STXBP5: variants seen among roughly 807,000 people sequenced by gnomAD.
The protein encoded by STXBP5 is syntaxin-binding protein 5.
STXBP5 carries 50 observed loss-of-function variants against 152.4 expected under a neutral mutation model. The observed-to-expected ratio is 0.33, with a 90% confidence interval of 0.26 to 0.42. The LOEUF (loss-of-function observed/expected upper bound fraction) is 0.42, where lower values mean the gene tolerates loss of function less well. Among genes scored for constraint, STXBP5 ranks in the 10% least tolerant of loss-of-function variants. STXBP5 has a pLI of 1.00. For missense variants in STXBP5, 1,167 were observed against 1,388.6 expected (o/e 0.84, Z 2.54); for synonymous variants, 492 against 494.7 (o/e 0.99, Z 0.07).
intron 1 of STXBP5, among the ~76,000 whole-genome samples, chr6:147,205,388 A>ATATG (rs924431560): frequency 3.3e-5 from 5 of 150,540 alleles, no homozygotes; most frequent in African/African-American, 1.2e-4. Context: ...ATATATATAT[A>ATATG]TATATATATA....
At chr6:147,262,486 G>T in intron 6 of STXBP5, 133 bp downstream of exon 6, 1 of 459,226 alleles carries the variant, frequency 2.2e-6, no homozygotes, top group Non-Finnish European at 3.9e-6. Context: ...TACAGTTAAT[G>T]CTTATTATTA....
chr6:147,278,256 G>A (rs1372106641), intron 8 of STXBP5, 52 bp downstream of exon 8: 4 of 1,457,532 alleles, frequency 2.7e-6, no homozygotes. Context: ...ACAGTAAACT[G>A]TTTTGTTTGA....
chr6:147,229,480 C>T (rs779303308), intron 2 of STXBP5, among the ~76,000 whole-genome samples: 2 of 151,714 alleles, frequency 1.3e-5, no homozygotes, highest in African/African-American at 4.8e-5. Context: ...TGATTACTGC[C>T]ATCTTAATAA....
In STXBP5 at chr6:147,213,481, C is replaced by T. The variant is rs1256866686; in HGVS notation, c.248+7413C>T. On this transcript the variant is annotated intron_variant, in intron 2 of 27. Transcript: ENST00000321680. ...GTGTGTGTGTGTGTGTGTGTGTGCG[C>T]GCGCATATATATATTTTTTCTTTTT... Among the ~76,000 whole-genome samples the T allele has an allele frequency of 1.4e-4, 16 of 116,688 alleles. 1 individual carries two copies. Among genetic ancestry groups the T allele is most frequent in the Admixed American group, 4.0e-4 (5 of 12,354 alleles). The allele number at this position is 116,688 out of a possible 152,430, so 76.6% of individuals were successfully genotyped here. A position where few individuals can be genotyped will look rare whatever the true frequency, so the allele number is the denominator to read the frequency against.
At position 147,248,018 on chromosome 6, in the gene STXBP5, G is replaced by A. The variant is rs1778896551; in HGVS notation, c.431+8748G>A. 2.0e-5 allele frequency among the ~76,000 whole-genome samples: 3 copies of A among 152,256 alleles called. No individual in the cohort carries two copies. In the South Asian group the frequency reaches 6.2e-4, roughly 32 times the overall value. On this transcript the variant is annotated intron_variant, in intron 4 of 27. Coordinates refer to ENST00000321680, the MANE Select transcript of STXBP5 (RefSeq NM_001127715.4). ...AGCTGGGTGCGGTGGGGTGGCTTAA[G>A]CCTGTAATCCCAGCAATTTGGGAGG...
intron 9 of STXBP5, among the ~76,000 whole-genome samples, chr6:147,307,977 A>AATCT (rs1445967674): frequency 3.3e-5 from 5 of 152,134 alleles, no homozygotes; most frequent in African/African-American, 7.2e-5. Context: ...GTACAGCTAT[A>AATCT]ATCTCTCTTC....
chr6:147,258,165 T>G (rs986814501), intron 4 of STXBP5, among the ~76,000 whole-genome samples: 29 of 152,212 alleles, frequency 1.9e-4, no homozygotes, highest in Admixed American at 1.6e-3. Context: ...AGCCACACGA[T>G]CAATCCTAGA....
At chr6:147,275,549 CTTTTTTTTTT>C (rs71031021) in intron 7 of STXBP5, among the ~76,000 whole-genome samples, 3 of 64,454 alleles carry the variant, frequency 4.7e-5, no homozygotes, top group East Asian at 5.1e-4. Context: ...AGTAAATATT[CTTTTTTTTTT>C]TTTTTTTTTT....
chr6:147,336,234 A>G (rs1163963635), intron 19 of STXBP5, among the ~76,000 whole-genome samples: 1 of 152,194 alleles, frequency 6.6e-6, no homozygotes, highest in African/African-American at 2.4e-5. Flanking sequence ...GCATTACAGT[A>G]GAAACTAGAG....
At chr6:147,318,337 G>A (rs1235770437) in intron 16 of STXBP5, among the ~76,000 whole-genome samples, 4 of 152,048 alleles carry the variant, frequency 2.6e-5, no homozygotes, top group African/African-American at 7.2e-5. Flanking sequence ...TCTTAGAAAG[G>A]CCTTTTTTTT....
At chr6:147,235,081 A>G (rs1286465992) in intron 2 of STXBP5, among the ~76,000 whole-genome samples, 169 bp from the exon 3 acceptor site, 1 of 152,096 alleles carries the variant, frequency 6.6e-6, no homozygotes, top group Non-Finnish European at 1.5e-5. Context: ...AGACTTCTCA[A>G]CAGAAACTAT....
chr6:147,285,928 T>C (rs1320391669), intron 8 of STXBP5, among the ~76,000 whole-genome samples: 1 of 152,176 alleles, frequency 6.6e-6, no homozygotes, highest in Non-Finnish European at 1.5e-5. Context: ...GTGTCTATAA[T>C]TCTAAATTCT....
At chr6:147,259,403 G>A (rs1477981543) in intron 4 of STXBP5, among the ~76,000 whole-genome samples, 2 of 152,002 alleles carry the variant, frequency 1.3e-5, no homozygotes, top group African/African-American at 4.8e-5. Flanking sequence ...TCTATACTTG[G>A]TTAAACTTAC....
chr6:147,217,980 A>G (rs1777259731), intron 2 of STXBP5, among the ~76,000 whole-genome samples: 1 of 152,196 alleles, frequency 6.6e-6, no homozygotes, highest in Non-Finnish European at 1.5e-5. Flanking sequence ...AGCAGTAAAA[A>G]TTAATTTTGC....
At chr6:147,374,857 A>G (rs1033334779) in intron 26 of STXBP5, among the ~76,000 whole-genome samples, 3 of 152,160 alleles carry the variant, frequency 2.0e-5, no homozygotes, top group Non-Finnish European at 4.4e-5. Flanking sequence ...CCAAAGGGCT[A>G]TAATTTAAGA....
At chr6:147,281,874 T>G (rs558922288) in intron 8 of STXBP5, among the ~76,000 whole-genome samples, 18 of 152,232 alleles carry the variant, frequency 1.2e-4, no homozygotes, top group Non-Finnish European at 2.4e-4. Context: ...TTCCATAGTT[T>G]CTGGCTCTGT....
chr6:147,235,187 A>AT, intron 2 of STXBP5, 63 bp from the exon 3 acceptor site: 1 of 1,397,998 alleles, frequency 7.2e-7, no homozygotes, highest in East Asian at 2.3e-5. Flanking sequence ...AGCCTATTAT[A>AT]TAACTTACCA....
intron 26 of STXBP5, among the ~76,000 whole-genome samples, chr6:147,382,484 T>C (rs1240207679): frequency 6.6e-6 from 1 of 152,158 alleles, no homozygotes; most frequent in Non-Finnish European, 1.5e-5. Flanking sequence ...TTGGTAACAA[T>C]ATACCTTTAT....
At chr6:147,266,668 G>A (rs1779908059) in intron 6 of STXBP5, among the ~76,000 whole-genome samples, 1 of 152,060 alleles carries the variant, frequency 6.6e-6, no homozygotes, top group African/African-American at 2.4e-5. Context: ...AAGTGGAGAT[G>A]TGGCCACTGG....
Sources: gnomAD v4.1 joint callset for allele counts (sites outside exome capture counted in the v4.1 genomes callset) on GRCh38, gnomAD v4.1.1 for gene constraint, MANE v1.5 for transcripts, NCBI Gene and HGNC (gene_info 2026-07-23, HGNC 2026-07-21) for gene names.